The following ARHGAP31 variants were observed in gnomAD, a reference collection of about 807,000 sequenced individuals.
ARHGAP31 encodes rho GTPase-activating protein 31.
ARHGAP31 carries 34 observed loss-of-function variants against 113.9 expected under a neutral mutation model. The ratio of observed to expected loss-of-function variants is 0.30; its 90% confidence interval spans 0.23 to 0.40. ARHGAP31 has a LOEUF of 0.40. Ranked by LOEUF, ARHGAP31 falls within the 10% of genes least tolerant of loss-of-function variation. ARHGAP31 has a pLI of 1.00. For synonymous variants in ARHGAP31, 650 were observed against 684.8 expected (o/e 0.95, Z 0.79); for missense variants, 1,548 against 1,767.1 (o/e 0.88, Z 2.22).
intron 9 of ARHGAP31, among the ~76,000 whole-genome samples, chr3:119,400,091 CA>C (rs2080587027): frequency 2.0e-5 from 3 of 152,194 alleles, no homozygotes; most frequent in Admixed American, 2.0e-4. Flanking sequence ...AAAAATGGGT[CA>C]GACCAAAACA....
intron 3 of ARHGAP31, among the ~76,000 whole-genome samples, chr3:119,372,201 T>C (rs1053419417): frequency 1.3e-5 from 2 of 152,158 alleles, no homozygotes; most frequent in Non-Finnish European, 2.9e-5. Context: ...TCCACAACGG[T>C]TGAATTGATT....
chr3:119,300,026 C>G lies in ARHGAP31; in HGVS notation c.100+5022C>G, dbSNP rs557746861. Among the ~76,000 whole-genome samples the G allele has an allele frequency of 1.4e-3, 208 of 152,298 alleles. 7 individuals are homozygous for G. In the South Asian group the frequency reaches 0.042, roughly 31 times the overall value. ...CAGCTTTGGAAGATTCTGGAAACCT[C>G]CGATCCTCCTGAGGCAGGTGCCCCT... On this transcript the variant is annotated intron_variant, in intron 1 of 11. Transcript: ENST00000264245.
At chr3:119,390,550 T>C (rs1032088988) in intron 6 of ARHGAP31, among the ~76,000 whole-genome samples, 3 of 152,202 alleles carry the variant, frequency 2.0e-5, no homozygotes, top group African/African-American at 7.2e-5. Flanking sequence ...CTGAAAAGTA[T>C]GGAAGGTGCA....
chr3:119,339,678 G>A (rs72962562), intron 1 of ARHGAP31, among the ~76,000 whole-genome samples: 22,072 of 152,072 alleles, frequency 0.15, 1,828 homozygotes, highest in African/African-American at 0.22. Flanking sequence ...GAACGAAAAA[G>A]AGCATTTCCA....
chr3:119,302,984 C>T (rs981663173), intron 1 of ARHGAP31, among the ~76,000 whole-genome samples: 3 of 152,200 alleles, frequency 2.0e-5, no homozygotes, highest in Non-Finnish European at 4.4e-5. Context: ...TCTTTTCCTC[C>T]CAGGTCCCTT....
chr3:119,344,220 C>T (rs148628970), intron 1 of ARHGAP31, among the ~76,000 whole-genome samples: 193 of 152,200 alleles, frequency 1.3e-3, no homozygotes, highest in African/African-American at 4.2e-3. Flanking sequence ...ATTATTTATC[C>T]GAAATTCAAA....
chr3:119,329,865 C>T, intron 1 of ARHGAP31: 2 of 985,496 alleles, frequency 2.0e-6, no homozygotes, highest in Non-Finnish European at 2.4e-6. Flanking sequence ...TTATCCAAGC[C>T]TCATTGTGTG....
rs765917712 is a variant in ARHGAP31 at position 119,414,289 on chromosome 3, C to T, written c.2360C>T (p.Pro787Leu). 8 of 1,614,212 alleles carry T rather than the reference C, an allele frequency of 5.0e-6. No individual in the cohort carries two copies. Among genetic ancestry groups the T allele is most frequent in the Non-Finnish European group, 8.5e-7 (1 of 1,180,026 alleles). Residue 787 changes from proline to leucine, a missense_variant, in exon 12 of 12, where the codon CCT becomes CTT. Pro to Leu is a moderately conservative substitution (Grantham distance 98). Transcript: ENST00000264245. ...CCTCCACTCCCACCTGCTCCTCCCC[C>T]TCCAACTCCTCTGGAGGAGTCAACT... ...LSPPLPPAPPPPTPLEESTPV... is the reference protein window; with the variant it reads ...LSPPLPPAPPLPTPLEESTPV...
intron 8 of ARHGAP31, among the ~76,000 whole-genome samples, chr3:119,396,107 T>C (rs1323913136): frequency 6.6e-6 from 1 of 152,038 alleles, no homozygotes; most frequent in Non-Finnish European, 1.5e-5. Context: ...AAAAAGGAAA[T>C]AAGTGGTTTG....
rs2080772682 is a variant in ARHGAP31, at chr3:119,415,946, A to G, written c.4017A>G (p.Ser1339=). The G allele has an allele frequency of 1.2e-6, 2 of 1,614,176 alleles. No individual in the cohort carries two copies. The highest frequency in any genetic ancestry group is 1.7e-6 in the Non-Finnish European group (2 of 1,180,024). The stretch of plus-strand genomic sequence containing the variant: ...GGGGTTCTAAGCCTTTCCACAGGTC[A>G]AGGCCAGGAAGACCTCAGAGCCTAA... The part of the protein sequence containing the change: ...PSGGSKPFHR[S]RPGRPQSLIL... The change falls in exon 12 of 12, where the codon TCA becomes TCG. Residue 1339 remains serine (S), a synonymous_variant. Transcript: ENST00000264245.
chr3:119,300,661 T>C, intron 1 of ARHGAP31, among the ~76,000 whole-genome samples: 1 of 151,696 alleles, frequency 6.6e-6, no homozygotes, highest in African/African-American at 2.4e-5. Context: ...AAACCCCGTC[T>C]CTACTAAAAA....
intron 1 of ARHGAP31, among the ~76,000 whole-genome samples, chr3:119,302,465 T>A (rs897119544): frequency 5.3e-5 from 8 of 152,236 alleles, no homozygotes; most frequent in Non-Finnish European, 1.2e-4. Flanking sequence ...AGAGGAGGTC[T>A]CTTGAAGAGA....
At chr3:119,360,006 T>C (rs1421328178) in intron 1 of ARHGAP31, among the ~76,000 whole-genome samples, 1 of 152,208 alleles carries the variant, frequency 6.6e-6, no homozygotes, top group Non-Finnish European at 1.5e-5. Flanking sequence ...TCCTTTTTAT[T>C]ACCTCAAACA....
intron 1 of ARHGAP31, among the ~76,000 whole-genome samples, chr3:119,353,532 C>T (rs979284200): frequency 2.6e-5 from 4 of 152,136 alleles, no homozygotes; most frequent in African/African-American, 7.2e-5. Flanking sequence ...AGGCTGGGCA[C>T]GGTGGCTCAC....
At chr3:119,304,903 ATAAAATAAAATAAAATAAAAT>A (rs1212779161) in intron 1 of ARHGAP31, among the ~76,000 whole-genome samples, 2 of 62,578 alleles carry the variant, frequency 3.2e-5, no homozygotes, top group African/African-American at 3.5e-4. Context: ...TCAAAATAAA[ATAAAATAAAATAAAATAAAAT>A]AAAATAAAAT....
intron 1 of ARHGAP31, among the ~76,000 whole-genome samples, chr3:119,332,057 G>A (rs1054163320): frequency 1.3e-5 from 2 of 152,060 alleles, no homozygotes; most frequent in African/African-American, 4.8e-5. Context: ...ACTTCTGCTT[G>A]AAGCCCTTTA....
intron 1 of ARHGAP31, among the ~76,000 whole-genome samples, chr3:119,317,571 C>G (rs2079745370): frequency 6.6e-6 from 1 of 152,170 alleles, no homozygotes; most frequent in African/African-American, 2.4e-5. Flanking sequence ...ATGAATAGTT[C>G]TCAGCCCTCC....
chr3:119,388,059 C>A (rs1054749790), intron 6 of ARHGAP31, among the ~76,000 whole-genome samples: 2 of 152,072 alleles, frequency 1.3e-5, no homozygotes, highest in African/African-American at 4.8e-5. Context: ...AGGCAGAAAG[C>A]TTGAAGTGTT....
At chr3:119,400,330 G>T (rs1488692659) in intron 9 of ARHGAP31, among the ~76,000 whole-genome samples, 2 of 152,072 alleles carry the variant, frequency 1.3e-5, no homozygotes, top group Non-Finnish European at 2.9e-5. Flanking sequence ...CAGCTACTCA[G>T]GAAGCCGAGG....
Sources: gnomAD v4.1 joint callset for allele counts (sites outside exome capture counted in the v4.1 genomes callset) on GRCh38, gnomAD v4.1.1 for gene constraint, MANE v1.5 for transcripts, NCBI Gene and HGNC (gene_info 2026-07-23, HGNC 2026-07-21) for gene names.